RANBP2: variants seen among roughly 807,000 people sequenced by gnomAD.
RANBP2 encodes RAN binding protein 2, also known as E3 SUMO-protein ligase RanBP2.
Under a neutral mutation model 303.6 loss-of-function variants are expected in RANBP2, and 57 were observed. The ratio of observed to expected loss-of-function variants is 0.19; its 90% confidence interval spans 0.15 to 0.23. RANBP2 has a LOEUF of 0.23. Among genes scored for constraint, RANBP2 ranks in the 10% least tolerant of loss-of-function variants. The pLI is 1.00. For synonymous variants in RANBP2, 1,167 were observed against 1,301.5 expected (o/e 0.90, Z 2.23); for missense variants, 3,138 against 3,780.8 (o/e 0.83, Z 4.46).
At chr2:109,319,108 C>G in the RANBP2 span, among the ~76,000 whole-genome samples, 1 of 152,182 alleles carries the variant, frequency 6.6e-6, no homozygotes, top group African/African-American at 2.4e-5. Flanking sequence ...TTGTAGGTGT[C>G]TGCAGAAGAG....
the RANBP2 span, among the ~76,000 whole-genome samples, chr2:109,571,809 T>C: frequency 3.9e-5 from 6 of 152,220 alleles, no homozygotes; most frequent in Admixed American, 3.9e-4. Flanking sequence ...CAAGGTGGAC[T>C]GCCTCTGAAC....
At chr2:109,728,766 AG>A in the RANBP2 span, among the ~76,000 whole-genome samples, 1 of 150,634 alleles carries the variant, frequency 6.6e-6, no homozygotes, top group Non-Finnish European at 1.5e-5. Context: ...TAGATTTTAA[AG>A]AATATATATA....
At chr2:109,736,041 C>T in the RANBP2 span, among the ~76,000 whole-genome samples, 1 of 152,190 alleles carries the variant, frequency 6.6e-6, no homozygotes, top group Admixed American at 6.5e-5. Context: ...CACAATTTCA[C>T]GTGTGGAAAC....
the RANBP2 span, among the ~76,000 whole-genome samples, chr2:109,693,461 C>T: frequency 2.0e-5 from 3 of 152,166 alleles, no homozygotes; most frequent in African/African-American, 7.2e-5. Flanking sequence ...ACCCGGCCCA[C>T]AACTCCTGGT....
the RANBP2 span, among the ~76,000 whole-genome samples, chr2:109,604,502 G>A: frequency 2.6e-5 from 4 of 151,470 alleles, no homozygotes; most frequent in African/African-American, 9.7e-5. Flanking sequence ...CGAGGCGGGT[G>A]GGATCACGAG....
the RANBP2 span, among the ~76,000 whole-genome samples, chr2:109,392,810 C>T: frequency 1.3e-5 from 2 of 152,196 alleles, no homozygotes; most frequent in East Asian, 1.9e-4. Flanking sequence ...CCACCACGCA[C>T]GGCCCCCTGG....
the RANBP2 span, among the ~76,000 whole-genome samples, chr2:108,807,722 A>T: frequency 6.6e-6 from 1 of 152,044 alleles, no homozygotes; most frequent in Non-Finnish European, 1.5e-5. Context: ...GACTCAAGCG[A>T]TTCTCCTGCC....
At chr2:109,428,306 T>A in the RANBP2 span, among the ~76,000 whole-genome samples, 3 of 152,268 alleles carry the variant, frequency 2.0e-5, no homozygotes, top group Non-Finnish European at 4.4e-5. Context: ...TTACTCTGAT[T>A]AGAGCGGAAG....
At chr2:108,759,385 C>T (rs1676559683) in intron 18 of RANBP2, among the ~76,000 whole-genome samples, 1 of 152,104 alleles carries the variant, frequency 6.6e-6, no homozygotes, top group Non-Finnish European at 1.5e-5. Flanking sequence ...TGGTGTAACT[C>T]CAAAGCACTT....
chr2:108,914,012 G>C, the RANBP2 span, among the ~76,000 whole-genome samples: 1 of 150,054 alleles, frequency 6.7e-6, no homozygotes, highest in African/African-American at 2.4e-5. Flanking sequence ...TATAATCCCA[G>C]CACTTTGGGA....
chr2:108,862,678 T>A, the RANBP2 span, among the ~76,000 whole-genome samples: 1 of 152,184 alleles, frequency 6.6e-6, no homozygotes, highest in Non-Finnish European at 1.5e-5. Flanking sequence ...GATATATAAT[T>A]TTCATTTAAT....
the RANBP2 span, among the ~76,000 whole-genome samples, chr2:109,004,095 CAT>C: frequency 1.3e-5 from 2 of 152,212 alleles, no homozygotes; most frequent in Admixed American, 1.3e-4. Context: ...AGAATGTTGA[CAT>C]GTGCATATTT....
the RANBP2 span, among the ~76,000 whole-genome samples, chr2:109,528,267 G>A: frequency 0.047 from 7,156 of 152,240 alleles, 566 homozygotes; most frequent in African/African-American, 0.16. Context: ...CTGAGTACAC[G>A]CTCCATCCTG....
chr2:109,067,959 T>G, the RANBP2 span, among the ~76,000 whole-genome samples: 1 of 152,188 alleles, frequency 6.6e-6, no homozygotes, highest in Non-Finnish European at 1.5e-5. Context: ...CTGGGCTTGC[T>G]GCTGCTCTGG....
chr2:109,492,154 C>A, the RANBP2 span, among the ~76,000 whole-genome samples: 1 of 152,218 alleles, frequency 6.6e-6, no homozygotes, highest in Non-Finnish European at 1.5e-5. Flanking sequence ...TCCCAGTAAA[C>A]CCCTACTTGT....
At chr2:108,728,060 C>A (rs1471680826) in intron 1 of RANBP2, among the ~76,000 whole-genome samples, 1 of 152,172 alleles carries the variant, frequency 6.6e-6, no homozygotes, top group Non-Finnish European at 1.5e-5. Flanking sequence ...AGTACATGGA[C>A]CAGGGAATCC....
chr2:109,737,257 T>C, the RANBP2 span: 9 of 765,156 alleles, frequency 1.2e-5, no homozygotes, highest in African/African-American at 1.0e-4. Flanking sequence ...CTTCAAATAT[T>C]TTTTGGTGAG....
chr2:109,335,269 C>T, the RANBP2 span, among the ~76,000 whole-genome samples: 4 of 152,220 alleles, frequency 2.6e-5, no homozygotes, highest in Admixed American at 6.5e-5. Flanking sequence ...CACACGAGAA[C>T]GGCTCTTTCT....
the RANBP2 span, among the ~76,000 whole-genome samples, chr2:109,455,457 G>T: frequency 6.6e-6 from 1 of 152,222 alleles, no homozygotes; most frequent in Non-Finnish European, 1.5e-5. Flanking sequence ...CCTGGTCTGG[G>T]GCGTGGAGTC....
Sources: allele counts gnomAD v4.1 joint callset (sites outside exome capture counted in the v4.1 genomes callset), GRCh38; gene constraint gnomAD v4.1.1; transcripts MANE v1.5; gene names NCBI Gene and HGNC (gene_info 2026-07-23, HGNC 2026-07-21).